The following LCORL variants were observed in gnomAD, a reference collection of about 807,000 sequenced individuals.
The protein encoded by LCORL is ligand dependent nuclear receptor corepressor like.
In LCORL, 41 loss-of-function variants were observed where a neutral mutation model predicts 141.8. The ratio of observed to expected loss-of-function variants is 0.29; its 90% CI spans 0.23 to 0.38. The LOEUF is 0.38. Among genes scored for constraint, LCORL ranks in the 10% least tolerant of loss-of-function variants. LCORL has a pLI of 1.00. For synonymous variants in LCORL, 618 were observed against 694.1 expected (o/e 0.89, Z 1.72); for missense variants, 1,759 against 2,035.0 (o/e 0.86, Z 2.61).
At position 17,934,024 on chromosome 4, in the gene LCORL, C is replaced by T. The variant is rs189577883; in HGVS notation, c.431-24679G>A. On this transcript the variant is annotated intron_variant, in intron 4 of 7. Coordinates refer to ENST00000635767, the Ensembl canonical transcript of LCORL. ...CTTGCCAAGACTGCTACCTCTGGTC[C>T]TATGATTTTAAGACTCTTCCTTTTT... Among the ~76,000 whole-genome samples, 674 of 152,080 alleles carry T rather than the reference C, an allele frequency of 4.4e-3. 12 individuals carry two copies. The highest frequency in any genetic ancestry group is 4.8e-3 in the Non-Finnish European group (328 of 67,910).
At chr4:17,931,155 C>T (rs752102713) in intron 4 of LCORL, among the ~76,000 whole-genome samples, 1 of 152,016 alleles carries the variant, frequency 6.6e-6, no homozygotes, top group Non-Finnish European at 1.5e-5. Flanking sequence ...TTATTCTCCC[C>T]TTGTCATGTC....
chr4:17,854,456 G>A (rs1408464990), intron 7 of LCORL, among the ~76,000 whole-genome samples: 1 of 152,130 alleles, frequency 6.6e-6, no homozygotes, highest in Non-Finnish European at 1.5e-5. Context: ...ATTTGTTTCT[G>A]CATTGAACCA....
chr4:17,911,937 T>C (rs930845822), intron 4 of LCORL: 42 of 564,692 alleles, frequency 7.4e-5, no homozygotes, highest in South Asian at 3.7e-4. Context: ...AAAGTCTGAA[T>C]GGCCAGACCA....
intron 4 of LCORL, among the ~76,000 whole-genome samples, chr4:17,954,021 G>T (rs1277514776): frequency 1.3e-5 from 2 of 152,148 alleles, no homozygotes; most frequent in African/African-American, 4.8e-5. Flanking sequence ...AAATTAGCCA[G>T]GTGTGGTGGC....
intron 2 of LCORL, among the ~76,000 whole-genome samples, chr4:17,972,380 G>T (rs559072527): frequency 4.0e-5 from 6 of 151,636 alleles, no homozygotes; most frequent in African/African-American, 1.2e-4. Context: ...AATATTAAAA[G>T]AACAAACAAA....
chr4:17,909,284 C>T (rs1732130962), exon 5 of LCORL: 2 of 1,610,188 alleles, frequency 1.2e-6, no homozygotes, highest in African/African-American at 1.3e-5. Context: ...ATTGACGTAT[C>T]ATCTTTTTCA....
intron 4 of LCORL, among the ~76,000 whole-genome samples, chr4:17,947,146 TGTG>T (rs1739014536): frequency 6.6e-6 from 1 of 151,868 alleles, no homozygotes; most frequent in South Asian, 2.1e-4. Context: ...AAAAAGAAAA[TGTG>T]GTGTGTGTAC....
chr4:17,996,166 T>C (rs1720893905), intron 1 of LCORL, among the ~76,000 whole-genome samples: 1 of 152,088 alleles, frequency 6.6e-6, no homozygotes, highest in Admixed American at 6.6e-5. Context: ...ATTCAGGAGA[T>C]ATATTCCAAC....
intron 7 of LCORL, among the ~76,000 whole-genome samples, chr4:17,861,476 T>C (rs983064935): frequency 9.8e-5 from 15 of 152,298 alleles, no homozygotes; most frequent in Admixed American, 7.8e-4. Flanking sequence ...GCCTGGCTCA[T>C]GAAATCACTT....
chr4:17,908,300 G>A (rs542849895), intron 5 of LCORL, among the ~76,000 whole-genome samples: 1 of 152,238 alleles, frequency 6.6e-6, no homozygotes, highest in African/African-American at 2.4e-5. Flanking sequence ...CCAAAGTGCT[G>A]GGATTACAGG....
chr4:17,947,745 C>G (rs1413639729), intron 4 of LCORL, among the ~76,000 whole-genome samples: 1 of 151,948 alleles, frequency 6.6e-6, no homozygotes. Context: ...GTATCACCAT[C>G]TGTATAGAGT....
chr4:17,941,908 A>C (rs548849532), intron 4 of LCORL, among the ~76,000 whole-genome samples: 1 of 152,136 alleles, frequency 6.6e-6, no homozygotes, highest in South Asian at 2.1e-4. Context: ...AAGTATCATA[A>C]ATCTCTGAAC....
In LCORL at chr4:17,884,274, C is replaced by G. The variant is rs972592972; in HGVS notation, c.776+1794G>C. 7 of 1,550,532 alleles carry G rather than the reference C, an allele frequency of 4.5e-6. No homozygotes were observed. In the African/African-American group the frequency reaches 9.6e-5, roughly 21 times the overall value. On this transcript the variant is annotated intron_variant, in intron 6 of 7. Transcript: ENST00000635767. This position sits in a 1 kb window ranked among gnomAD's most constrained non-coding sequence, Gnocchi z 4.4. ...GGTTGTGATTTTGAGACAGAACTTA[C>G]TCGTAGCTGAGGAATTTTTAACTGT... is the stretch of plus-strand genomic sequence containing the variant.
At chr4:17,887,112 CA>C (rs1728377422) in intron 5 of LCORL, among the ~76,000 whole-genome samples, 2 of 151,736 alleles carry the variant, frequency 1.3e-5, no homozygotes, top group African/African-American at 4.8e-5. Flanking sequence ...TGGGCAGATA[CA>C]AAGATGAAAA....
chr4:17,964,784 T>C (rs1202351365), intron 2 of LCORL, among the ~76,000 whole-genome samples: 1 of 152,024 alleles, frequency 6.6e-6, no homozygotes, highest in Admixed American at 6.6e-5. Flanking sequence ...ATTTTGGAGT[T>C]GTTTTGGAAC....
intron 1 of LCORL, among the ~76,000 whole-genome samples, chr4:17,984,253 G>A (rs1260921255): frequency 1.3e-5 from 2 of 152,124 alleles, no homozygotes; most frequent in Admixed American, 1.3e-4. Flanking sequence ...TCTCTGCCAA[G>A]TTTTGGTATC....
intron 5 of LCORL, among the ~76,000 whole-genome samples, chr4:17,907,009 C>G (rs1377599469): frequency 1.3e-5 from 2 of 152,192 alleles, no homozygotes; most frequent in Non-Finnish European, 2.9e-5. Context: ...AACCACTCAT[C>G]TGATGCTTTT....
intron 1 of LCORL, among the ~76,000 whole-genome samples, chr4:18,015,148 C>A (rs2109891478): frequency 6.6e-6 from 1 of 152,216 alleles, no homozygotes; most frequent in African/African-American, 2.4e-5. Context: ...TGCACTATGA[C>A]AGAAGAATTA....
chr4:17,872,196 T>C (rs1338492611), intron 7 of LCORL, among the ~76,000 whole-genome samples: 6 of 151,848 alleles, frequency 4.0e-5, no homozygotes, highest in Non-Finnish European at 1.5e-5. Flanking sequence ...AAGCAAGTAA[T>C]CAATAAGTAC....
Sources: allele counts gnomAD v4.1 joint callset (sites outside exome capture counted in the v4.1 genomes callset), GRCh38; gene constraint gnomAD v4.1.1; non-coding constraint Gnocchi (gnomAD v3.1); transcripts MANE v1.5; gene names NCBI Gene and HGNC (gene_info 2026-07-23, HGNC 2026-07-21).